MATN3: variants seen among roughly 807,000 people sequenced by gnomAD.
MATN3 encodes matrilin-3.
A neutral mutation model predicts 45.3 loss-of-function variants in MATN3; 48 were observed. The observed-to-expected ratio is 1.06, with a 90% CI of 0.84 to 1.35. The LOEUF (loss-of-function observed/expected upper bound fraction) is 1.35. MATN3 is among the 40% of genes most tolerant of loss of function. The pLI, the probability that MATN3 is intolerant of heterozygous loss-of-function variation, is 0.00. For missense variants in MATN3, 599 were observed against 628.0 expected (o/e 0.95, Z 0.49); for synonymous variants, 217 against 245.9 (o/e 0.88, Z 1.10).
At chr2:20,000,397 T>C (rs949870272) in intron 5 of MATN3, 44 bp downstream of exon 5, 1 of 1,565,554 alleles carries the variant, frequency 6.4e-7, no homozygotes, top group Non-Finnish European at 8.6e-7. Flanking sequence ...GTTGGTTTCA[T>C]GTGAAAGACC....
rs527619545 is a variant in MATN3 at position 20,008,950 on chromosome 2, C to T, written c.224-2640G>A. ...TAAGTCAAAAGGAATTAAACCCAGG[C>T]GCAGTGGCTCACGCCTGTAATCCCA... On this transcript the variant is annotated intron_variant, in intron 1 of 7. Transcript: ENST00000407540. Among the ~76,000 whole-genome samples, 4 of 152,178 alleles carry T rather than the reference C, an allele frequency of 2.6e-5. No homozygotes were observed. The East Asian group carries it at 5.8e-4, about 22-fold the overall frequency.
chr2:20,004,035 G>A (rs1045409870), intron 2 of MATN3: 4 of 152,172 alleles, frequency 2.6e-5, no homozygotes, highest in African/African-American at 9.7e-5. Flanking sequence ...TCTTTTGAAA[G>A]ATGAATCAAT....
intron 3 of MATN3, 149 bp downstream of exon 3, chr2:20,003,011 CA>C (rs1326048295): frequency 1.3e-6 from 1 of 770,616 alleles, no homozygotes; most frequent in African/African-American, 1.7e-5. Flanking sequence ...AGCTCCTTTT[CA>C]GGGAAAACTG....
intron 1 of MATN3, among the ~76,000 whole-genome samples, chr2:20,010,919 C>T (rs1259442696): frequency 6.6e-6 from 1 of 152,204 alleles, no homozygotes; most frequent in African/African-American, 2.4e-5. Context: ...ACTGGTACTC[C>T]GCATCAATCA....
At chr2:19,998,528 G>T (rs1192243653) in intron 5 of MATN3, among the ~76,000 whole-genome samples, 2 of 152,166 alleles carry the variant, frequency 1.3e-5, no homozygotes, top group African/African-American at 4.8e-5. Flanking sequence ...AGCCAAGGCA[G>T]GTGTATTGCT....
In MATN3 at chr2:20,011,137, A is replaced by G. The variant is rs572137372; in HGVS notation, c.223+1272T>C. Among the ~76,000 whole-genome samples the G allele has an allele frequency of 5.2e-4, 79 of 152,372 alleles. 1 individual carries two copies. The highest frequency in any genetic ancestry group is 1.9e-3 in the African/African-American group (78 of 41,592). ...AATTTGGAACAGGGTGGAATCTCGC[A>G]TTTATTAATGGGTTATCATTCATGA... On this transcript the variant is annotated intron_variant, in intron 1 of 7. Coordinates refer to ENST00000407540, the MANE Select transcript of MATN3 (RefSeq NM_002381.5).
intron 6 of MATN3, among the ~76,000 whole-genome samples, chr2:19,996,757 T>C (rs540588948): frequency 7.2e-4 from 110 of 152,266 alleles, no homozygotes; most frequent in Non-Finnish European, 1.3e-3. Flanking sequence ...TTTGGGATGA[T>C]AAAAAATTTC....
At chr2:19,996,886 A>T (rs1041475857) in intron 6 of MATN3, among the ~76,000 whole-genome samples, 8 of 152,246 alleles carry the variant, frequency 5.3e-5, no homozygotes, top group African/African-American at 1.7e-4. Flanking sequence ...CAATAAAAAA[A>T]ATTCAGACTT....
At position 19,993,098 on chromosome 2, in the gene MATN3, A is replaced by C; in HGVS notation, c.*13T>G. ...CAAGCTGTCCACATTTTCAGGTGAGAAATTGGAGCAATTTAACGATGTATT... is the reference window on the plus strand; with the variant it reads ...CAAGCTGTCCACATTTTCAGGTGAGCAATTGGAGCAATTTAACGATGTATT... On this transcript the variant is annotated 3_prime_UTR_variant, in exon 8 of 8. Coordinates refer to ENST00000407540, the MANE Select transcript of MATN3 (RefSeq NM_002381.5). 1 of 1,608,510 alleles carries C rather than the reference A, an allele frequency of 6.2e-7. No individual in the cohort carries two copies. Among genetic ancestry groups the C allele is most frequent in the Non-Finnish European group, 8.5e-7 (1 of 1,175,186 alleles).
At chr2:20,011,840 A>G (rs778619334) in intron 1 of MATN3, among the ~76,000 whole-genome samples, 16 of 152,228 alleles carry the variant, frequency 1.1e-4, no homozygotes, top group South Asian at 2.1e-4. Context: ...GCTCTGCTTC[A>G]GGAATCAATT....
intron 5 of MATN3, among the ~76,000 whole-genome samples, chr2:19,999,858 G>A (rs1672951267): frequency 6.6e-6 from 1 of 152,104 alleles, no homozygotes; most frequent in Admixed American, 6.5e-5. Context: ...TCAAATTAAT[G>A]AGGATTAACA....
intron 3 of MATN3, 67 bp downstream of exon 3, chr2:20,003,094 A>G: frequency 6.3e-7 from 1 of 1,586,952 alleles, no homozygotes; most frequent in Non-Finnish European, 8.6e-7. Flanking sequence ...GCACAAGGCC[A>G]GTCCAAAACC....
rs767544858 is a variant in MATN3, at chr2:19,997,119, A to G, written c.1294+15T>C. On this transcript the variant is annotated intron_variant, in intron 6 of 7. Coordinates refer to ENST00000407540, the MANE Select transcript of MATN3 (RefSeq NM_002381.5). ...TTCCTACCAAAGGAAATAGCCTTAA[A>G]GGGCTGATCCTCACCTGAACATGTT... 7 of 1,612,250 alleles carry G rather than the reference A, an allele frequency of 4.3e-6. No individual in the cohort carries two copies. In the African/African-American group the frequency reaches 8.0e-5, roughly 18 times the overall value.
Position 20,012,400 on chromosome 2 carries a change from C to G in MATN3, c.223+9G>C, listed in dbSNP as rs1257731382. 1 of 1,228,890 alleles carries G rather than the reference C, an allele frequency of 8.1e-7. No homozygotes were observed. Among genetic ancestry groups the G allele is most frequent in the Non-Finnish European group, 1.0e-6 (1 of 986,212 alleles). 76.1% of individuals were successfully genotyped at this position (1,228,890 alleles called of 1,614,324 possible). On this transcript the variant is annotated intron_variant, in intron 1 of 7. Coordinates refer to ENST00000407540, the MANE Select transcript of MATN3 (RefSeq NM_002381.5). This position sits in a 1 kb window ranked among gnomAD's most constrained non-coding sequence, Gnocchi z 4.3. ...ATGCTCACGCGTCCCTCCCGCCGCC[C>G]GCCTGTACCTGCACCGCGGGCGCGG...
intron 2 of MATN3, among the ~76,000 whole-genome samples, chr2:20,005,404 G>C (rs1558374206): frequency 6.6e-6 from 1 of 152,184 alleles, no homozygotes; most frequent in Non-Finnish European, 1.5e-5. Context: ...AGAGGGGACA[G>C]GAGAGGCATC....
intron 5 of MATN3, chr2:19,997,745 A>G (rs2103479958): frequency 6.6e-6 from 1 of 152,112 alleles, no homozygotes; most frequent in South Asian, 2.1e-4. Flanking sequence ...AAAGTGTAAC[A>G]GAAAAGACTG....
In MATN3 at chr2:20,000,519, C is replaced by T. The variant is rs1439467974; in HGVS notation, c.1090G>A (p.Val364Met). The change falls in exon 5 of 8, where the codon GTG becomes ATG. Residue 364 changes from valine to methionine, a missense_variant. Coordinates refer to ENST00000407540, the MANE Select transcript of MATN3 (RefSeq NM_002381.5). ...TGATGGGACCCTGTTCTGTCATTCA[C>T]ACAAATGTGCTGACACCCATGGGTA... ...LGTHGCQHIC[V>M]NDRTGSHHCE... The T allele has an allele frequency of 6.2e-7, 1 of 1,612,254 alleles. No homozygotes were observed. Among genetic ancestry groups the T allele is most frequent in the East Asian group, 2.2e-5 (1 of 44,816 alleles).
chr2:19,998,819 T>C (rs938542350), intron 5 of MATN3, among the ~76,000 whole-genome samples: 25 of 152,264 alleles, frequency 1.6e-4, no homozygotes, highest in African/African-American at 5.1e-4. Context: ...ATTCTTTCTC[T>C]TCTGTCCCTC....
intron 5 of MATN3, 182 bp from the exon 6 acceptor site, chr2:19,997,441 C>A: frequency 1.8e-6 from 1 of 550,808 alleles, no homozygotes; most frequent in Non-Finnish European, 3.2e-6. Context: ...ACCTCTCATC[C>A]CTTTGGCCTC....
Sources: gnomAD v4.1 joint callset for allele counts (sites outside exome capture counted in the v4.1 genomes callset) on GRCh38, gnomAD v4.1.1 for gene constraint, Gnocchi (gnomAD v3.1) non-coding constraint, MANE v1.5 for transcripts, NCBI Gene and HGNC (gene_info 2026-07-23, HGNC 2026-07-21) for gene names.